STAG2: variants seen among roughly 807,000 people sequenced by gnomAD.
STAG2 encodes the protein STAG2 cohesin complex component, also known as cohesin subunit SA-2.
In STAG2, 14 loss-of-function variants were observed where a neutral mutation model predicts 108.1. That is an observed-to-expected ratio of 0.13 (90% CI 0.09 to 0.20). STAG2 has a LOEUF of 0.20. Ranked by LOEUF, STAG2 falls within the 10% of genes least tolerant of loss-of-function variation. STAG2 has a pLI of 1.00. For missense variants in STAG2, 440 were observed against 940.9 expected (o/e 0.47, Z 6.96); for synonymous variants, 307 against 302.7 (o/e 1.01, Z -0.15).
At chrX:123,978,637 G>A (rs2054738829) in intron 1 of STAG2, among the ~76,000 whole-genome samples, 1 of 111,279 alleles carries the variant, frequency 9.0e-6, no homozygotes, top group South Asian at 3.7e-4. Flanking sequence ...TTGCCTTATA[G>A]GTTATTTATA....
At chrX:124,090,414 T>C (rs1206467656) in intron 30 of STAG2, among the ~76,000 whole-genome samples, 161 bp from the exon 31 acceptor site, 1 of 110,774 alleles carries the variant, frequency 9.0e-6, no homozygotes, top group Non-Finnish European at 1.9e-5. Context: ...AACTAGACTC[T>C]AAGGCCAGGT....
intron 27 of STAG2, among the ~76,000 whole-genome samples, chrX:124,080,243 C>T (rs1273269166): frequency 1.8e-5 from 2 of 110,970 alleles, no homozygotes; most frequent in African/African-American, 6.6e-5. Context: ...CCTACTGAAA[C>T]GTTGTTCCCT....
intron 1 of STAG2, among the ~76,000 whole-genome samples, chrX:123,965,459 A>C (rs1423769084): frequency 8.9e-6 from 1 of 111,861 alleles, no homozygotes; most frequent in Non-Finnish European, 1.9e-5. Context: ...CTTATGAATT[A>C]AAGTGAATGG....
chrX:124,003,090 C>T (rs185858087), intron 1 of STAG2, among the ~76,000 whole-genome samples: 135 of 109,690 alleles, frequency 1.2e-3, no homozygotes, highest in African/African-American at 4.1e-3. Flanking sequence ...GCCTCAGCCT[C>T]CCGAGTAGCT....
chrX:124,020,831 G>A (rs1271202373), intron 1 of STAG2, among the ~76,000 whole-genome samples: 1 of 112,132 alleles, frequency 8.9e-6, no homozygotes, highest in East Asian at 2.8e-4. Context: ...ACCAACACAC[G>A]AGGCTAATTT....
intron 7 of STAG2, among the ~76,000 whole-genome samples, chrX:124,044,494 G>A (rs925388776): frequency 9.0e-6 from 1 of 111,197 alleles, no homozygotes; most frequent in Admixed American, 9.6e-5. Flanking sequence ...GTCAGAGACC[G>A]TTACTTTTAG....
chrX:123,993,096 A>G (rs777823586), intron 1 of STAG2, among the ~76,000 whole-genome samples: 3 of 111,339 alleles, frequency 2.7e-5, no homozygotes, highest in African/African-American at 9.8e-5. Flanking sequence ...TAAACGATAC[A>G]TTTTTCTAGT....
chrX:124,069,495 A>G (rs1421154676), intron 24 of STAG2, among the ~76,000 whole-genome samples: 1 of 112,126 alleles, frequency 8.9e-6, no homozygotes, highest in Non-Finnish European at 1.9e-5. Flanking sequence ...TTATTCAAAT[A>G]TAACCAGCCC....
intron 1 of STAG2, among the ~76,000 whole-genome samples, chrX:123,984,671 A>T (rs1381731247): frequency 1.8e-5 from 2 of 111,123 alleles, no homozygotes; most frequent in Non-Finnish European, 3.8e-5. Context: ...TTTTGAGGTG[A>T]GGTCTCACTC....
chrX:123,987,956 T>C (rs1171010003), intron 1 of STAG2, among the ~76,000 whole-genome samples: 2 of 112,022 alleles, frequency 1.8e-5, no homozygotes, highest in Admixed American at 1.9e-4. Flanking sequence ...ATCCATTTTG[T>C]GGTTATAGTT....
At chrX:124,028,814 ATATATATATT>A (rs1239389134) in intron 4 of STAG2, among the ~76,000 whole-genome samples, 1 of 88,485 alleles carries the variant, frequency 1.1e-5, no homozygotes, top group African/African-American at 4.5e-5. Flanking sequence ...ATATATATAT[ATATATATATT>A]TTTTTTTTTA....
chrX:124,050,339 C>G, intron 11 of STAG2, 30 bp downstream of exon 11: 1 of 1,180,635 alleles, frequency 8.5e-7, no homozygotes, highest in East Asian at 3.0e-5. Context: ...CTGCTTCTTT[C>G]TACACATCGG....
At chrX:123,973,324 T>C (rs1022474964) in intron 1 of STAG2, among the ~76,000 whole-genome samples, 6 of 103,853 alleles carry the variant, frequency 5.8e-5, no homozygotes, top group Non-Finnish European at 9.8e-5. Flanking sequence ...AGGCAGATCA[T>C]GAGGTCAGGA....
rs35569156 is a variant in STAG2 at position 123,977,832 on chromosome X, G to GTTT, written c.-163+16001_-163+16003dup. On this transcript the variant is annotated intron_variant, in intron 1 of 34. Coordinates refer to ENST00000371145, the MANE Select transcript of STAG2 (RefSeq NM_001042750.2). ...AACCCAGGCAATCTGGTTCCCAAGT[G>GTTT]TTTTTTTTTTTTTTTTTTTTTTTTT... Among the ~76,000 whole-genome samples the GTTT allele has an allele frequency of 9.3e-3, 359 of 38,574 alleles. 52 individuals carry two copies. Among genetic ancestry groups the GTTT allele is most frequent in the Non-Finnish European group, 0.013 (301 of 23,034 alleles). 33.5% of individuals were successfully genotyped at this position (38,574 alleles called of 115,157 possible). A position where few individuals can be genotyped will look rare whatever the true frequency, so the allele number is the denominator to read the frequency against.
Position 124,100,893 on chromosome X carries a change from A to T in STAG2, c.*296A>T, listed in dbSNP as rs900821794. 1 of 219,827 alleles carries T rather than the reference A, an allele frequency of 4.5e-6. No homozygotes were observed. The highest frequency in any genetic ancestry group is 6.8e-5 in the East Asian group (1 of 14,719). The allele number at this position is 219,827 out of a possible 1,213,427, so 18.1% of individuals were successfully genotyped here. On this transcript the variant is annotated 3_prime_UTR_variant, in exon 35 of 35. Coordinates refer to ENST00000371145, the MANE Select transcript of STAG2 (RefSeq NM_001042750.2). ...TTTCATGCTTTTTTTTAAAAAAAAA[A>T]AAAAACAAAATAACAATCTGAAGAG...
chrX:124,022,694 ATT>A (rs1162907579), intron 3 of STAG2, 23 bp downstream of exon 3: 10 of 1,042,444 alleles, frequency 9.6e-6, no homozygotes, highest in Non-Finnish European at 1.3e-5. Context: ...TATTCTGATA[ATT>A]TTTAAATACT....
chrX:124,042,695 C>T (rs2148159812), intron 7 of STAG2, 50 bp downstream of exon 7: 1 of 897,071 alleles, frequency 1.1e-6, no homozygotes, highest in East Asian at 3.1e-5. Context: ...TTTATCTTGA[C>T]TTATTTTTGA....
At chrX:124,053,814 T>C (rs1461204559) in intron 13 of STAG2, among the ~76,000 whole-genome samples, 1 of 111,937 alleles carries the variant, frequency 8.9e-6, no homozygotes, top group Non-Finnish European at 1.9e-5. Context: ...AGAAAACAGA[T>C]CTCAGATTGG....
intron 1 of STAG2, among the ~76,000 whole-genome samples, chrX:123,979,753 A>G (rs1260726491): frequency 9.0e-6 from 1 of 110,578 alleles, no homozygotes. Context: ...TTAACTTGCA[A>G]CCCCTCATTT....
Sources: allele counts gnomAD v4.1 joint callset (sites outside exome capture counted in the v4.1 genomes callset), GRCh38; gene constraint gnomAD v4.1.1; transcripts MANE v1.5; gene names NCBI Gene and HGNC (gene_info 2026-07-23, HGNC 2026-07-21).